SIGLECL1: variants seen among roughly 807,000 people sequenced by gnomAD.
The protein encoded by SIGLECL1 is SIGLEC family-like protein 1.
In SIGLECL1, 16 loss-of-function variants were observed where a neutral mutation model predicts 19.1. That is an observed-to-expected ratio of 0.84 (90% CI 0.57 to 1.27). The LOEUF (loss-of-function observed/expected upper bound fraction) is 1.27, where lower values mean the gene tolerates loss of function less well. Among genes scored for constraint, SIGLECL1 ranks in the 50% most tolerant of loss-of-function variants. SIGLECL1 has a pLI of 0.00. For missense variants in SIGLECL1, 210 were observed against 239.4 expected, an observed-to-expected ratio of 0.88 and a Z score of 0.81; for synonymous variants, 89 against 90.4, an observed-to-expected ratio of 0.98 and a Z score of 0.09.
chr19:51,247,328 A>G (rs1982296707), upstream of SIGLECL1, among the ~76,000 whole-genome samples: 1 of 152,248 alleles, frequency 6.6e-6, no homozygotes, highest in Non-Finnish European at 1.5e-5. Flanking sequence ...ACACTGAACT[A>G]GAGCCTTCCT....
At position 51,269,179 on chromosome 19, in the gene SIGLECL1, T is replaced by G. The variant is rs887891065; in HGVS notation, c.*582T>G. The G allele has an allele frequency of 2.0e-5, 3 of 153,080 alleles. No homozygotes were observed. The highest frequency in any genetic ancestry group is 7.2e-5 in the African/African-American group (3 of 41,570). 9.5% of individuals were successfully genotyped at this position (153,080 alleles called of 1,614,324 possible). On this transcript the variant is annotated 3_prime_UTR_variant, in exon 6 of 6. Coordinates refer to ENST00000601727, the MANE Select transcript of SIGLECL1 (RefSeq NM_001385465.1). The stretch of plus-strand genomic sequence containing the variant: ...TGACGATGGGCCCTGAATGCCAAGA[T>G]TCATTGGAGCTTTGGAGCTTTATCT...
chr19:51,250,382 C>A (rs1308495971), upstream of SIGLECL1, among the ~76,000 whole-genome samples: 1 of 152,204 alleles, frequency 6.6e-6, no homozygotes, highest in Non-Finnish European at 1.5e-5. Context: ...CCGAGCCCAG[C>A]CTTGGCTGGT....
rs138633845 is a variant in SIGLECL1, at chr19:51,265,819, T to C, written c.347T>C (p.Ile116Thr). 6.2e-7 allele frequency: 1 copy of C among 1,614,198 alleles called. No individual in the cohort carries two copies. Among genetic ancestry groups the C allele is most frequent in the Non-Finnish European group, 8.5e-7 (1 of 1,180,034 alleles). Reference protein sequence around the residue: ...LAAQAFVKGLIQGAIYAGIVI... With the variant: ...LAAQAFVKGLTQGAIYAGIVI... ...GCCCAGGCCTTCGTGAAAGGGCTGATCCAGGGTGCTATCTATGCGGGAATT... is the reference window on the plus strand; with the variant it reads ...GCCCAGGCCTTCGTGAAAGGGCTGACCCAGGGTGCTATCTATGCGGGAATT... Residue 116 changes from isoleucine (I) to threonine (T), a missense_variant, in exon 4 of 6, where the codon ATC (isoleucine) becomes ACC (threonine). By Grantham distance (89) the Ile-to-Thr change is moderately conservative. Transcript: ENST00000601727.
chr19:51,259,369 T>C (rs914551239), intron 1 of SIGLECL1, among the ~76,000 whole-genome samples: 3 of 152,236 alleles, frequency 2.0e-5, no homozygotes, highest in Admixed American at 2.0e-4. Flanking sequence ...AGAAGGCATG[T>C]AAATCTTCCC....
At chr19:51,262,576 T>TCA (rs1983312462) in intron 1 of SIGLECL1, among the ~76,000 whole-genome samples, 1 of 152,196 alleles carries the variant, frequency 6.6e-6, no homozygotes, top group African/African-American at 2.4e-5. Context: ...CATTTATAGG[T>TCA]CACATTATAT....
At chr19:51,261,009 A>C (rs1983171936) in intron 1 of SIGLECL1, among the ~76,000 whole-genome samples, 1 of 152,214 alleles carries the variant, frequency 6.6e-6, no homozygotes, top group Admixed American at 6.5e-5. Flanking sequence ...GAGAACAGTG[A>C]TTAAAATGTC....
rs866540825 is a variant in SIGLECL1 at position 51,265,484 on chromosome 19, G to T, written c.139G>T (p.Gly47Cys). 1 of 1,614,042 alleles carries T rather than the reference G, an allele frequency of 6.2e-7. No individual in the cohort carries two copies. Among genetic ancestry groups the T allele is most frequent in the African/African-American group, 1.3e-5 (1 of 74,920 alleles). ...VQWWMGGVPVGVDGMDGSLQV... is the reference protein window; with the variant it reads ...VQWWMGGVPVCVDGMDGSLQV... ...GTGGTGGATGGGAGGAGTCCCCGTG[G>T]GTGTGGATGGCATGGATGGCAGCCT... Residue 47 changes from glycine (G) to cysteine (C), a missense_variant, in exon 3 of 6, where the codon GGT becomes TGT. By Grantham distance (159) the Gly-to-Cys change is radical. Transcript: ENST00000601727.
upstream of SIGLECL1, among the ~76,000 whole-genome samples, chr19:51,247,269 A>G (rs1396682053): frequency 3.3e-5 from 5 of 152,208 alleles, no homozygotes; most frequent in African/African-American, 1.2e-4. Context: ...AAAGGACTCC[A>G]GATATTGTCA....
In SIGLECL1 at chr19:51,265,843, T is replaced by C; in HGVS notation, c.371T>C (p.Ile124Thr). 6.2e-7 allele frequency: 1 copy of C among 1,614,086 alleles called. No homozygotes were observed. Among genetic ancestry groups the C allele is most frequent in the East Asian group, 2.2e-5 (1 of 44,870 alleles). ...GLIQGAIYAG[I>T]VIALLFLCLL... ...ATCCAGGGTGCTATCTATGCGGGAA[T>C]TGTAATTGCGCTGCTCTTCCTCTGC... The change falls in exon 4 of 6, where the codon ATT becomes ACT. Residue 124 changes from isoleucine to threonine, a missense_variant. By Grantham distance (89) the Ile-to-Thr change is moderately conservative. Coordinates refer to ENST00000601727, the MANE Select transcript of SIGLECL1 (RefSeq NM_001385465.1).
At chr19:51,249,051 A>T (rs1448460194), upstream of SIGLECL1, among the ~76,000 whole-genome samples, 2 of 152,162 alleles carry the variant, frequency 1.3e-5, no homozygotes, top group African/African-American at 4.8e-5. Context: ...AACTTACTGA[A>T]ACACAGTATG....
At chr19:51,262,922 A>G (rs2459147) in intron 1 of SIGLECL1, among the ~76,000 whole-genome samples, 92,887 of 152,072 alleles carry the variant, frequency 0.61, 29,624 homozygotes, top group African/African-American at 0.79. Flanking sequence ...TTTTGAGATA[A>G]AGTCTTACTC....
At chr19:51,261,746 GAGTTTAAATCTAAC>G (rs1323333439) in intron 1 of SIGLECL1, among the ~76,000 whole-genome samples, 2 of 152,082 alleles carry the variant, frequency 1.3e-5, no homozygotes, top group East Asian at 3.8e-4. Context: ...TGATGTATTG[GAGTTTAAATCTAAC>G]ATCTAGGTAC....
At chr19:51,248,378 A>T (rs1982332972), upstream of SIGLECL1, among the ~76,000 whole-genome samples, 1 of 152,220 alleles carries the variant, frequency 6.6e-6, no homozygotes, top group Non-Finnish European at 1.5e-5. Flanking sequence ...ATTCACCACC[A>T]GATGGTCTTT....
intron 1 of SIGLECL1, among the ~76,000 whole-genome samples, chr19:51,252,969 A>T (rs938852535): frequency 8.6e-5 from 13 of 151,672 alleles, no homozygotes; most frequent in African/African-American, 3.2e-4. Flanking sequence ...TACAAAAAAA[A>T]TTTTTTCATT....
chr19:51,265,975 C>G (rs1983641719), intron 4 of SIGLECL1, 93 bp downstream of exon 4: 3 of 1,254,426 alleles, frequency 2.4e-6, no homozygotes, highest in Non-Finnish European at 2.3e-6. Context: ...CAGGACCCCT[C>G]CCCTCAAGGA....
chr19:51,268,457 C>A, intron 5 of SIGLECL1, 114 bp from the exon 6 acceptor site: 1 of 1,108,846 alleles, frequency 9.0e-7, no homozygotes, highest in Non-Finnish European at 1.4e-6. Flanking sequence ...GTGCTCACTC[C>A]ATGTTGCCTT....
chr19:51,263,187 G>A (rs150859201), intron 1 of SIGLECL1, among the ~76,000 whole-genome samples: 11 of 152,236 alleles, frequency 7.2e-5, no homozygotes, highest in Non-Finnish European at 1.3e-4. Flanking sequence ...ACAGGGTCTC[G>A]TGCTGTCTCT....
At chr19:51,257,178 G>A (rs1982862776) in intron 1 of SIGLECL1, among the ~76,000 whole-genome samples, 1 of 152,106 alleles carries the variant, frequency 6.6e-6, no homozygotes. Flanking sequence ...AAGCCCAGGT[G>A]GGAGGACGGC....
intron 1 of SIGLECL1, among the ~76,000 whole-genome samples, chr19:51,262,668 G>A (rs927169784): frequency 2.6e-5 from 4 of 152,094 alleles, no homozygotes; most frequent in Non-Finnish European, 5.9e-5. Context: ...TATGACATGA[G>A]GTAGGGGTCT....
Sources: gnomAD v4.1 joint callset for allele counts (sites outside exome capture counted in the v4.1 genomes callset) on GRCh38, gnomAD v4.1.1 for gene constraint, MANE v1.5 for transcripts, NCBI Gene and HGNC (gene_info 2026-07-23, HGNC 2026-07-21) for gene names.